PLXNB1: variants seen among roughly 807,000 people sequenced by gnomAD.
The protein encoded by PLXNB1 is plexin B1.
A neutral mutation model predicts 209.4 loss-of-function variants in PLXNB1; 106 were observed. The observed-to-expected ratio is 0.51, with a 90% CI of 0.43 to 0.59. The LOEUF (loss-of-function observed/expected upper bound fraction) is 0.59. Among genes scored for constraint, PLXNB1 ranks in the 20% least tolerant of loss-of-function variants. The probability of loss-of-function intolerance (pLI) is 0.00; values close to 1 mark genes in which losing one functional copy is unlikely to be tolerated. For missense variants in PLXNB1, 2,357 were observed against 2,853.2 expected (o/e 0.83, Z 3.96); for synonymous variants, 1,167 against 1,183.2 (o/e 0.99, Z 0.28).
chr3:48,413,937 G>A lies in PLXNB1; in HGVS notation c.4344C>T (p.His1448=). ...EPPVEQPLPR[H]HALREAPDSL... is the part of the protein sequence containing the mutation. ...AGTCAGGTGCCTCTCGGAGGGCATG[G>A]TGCCGTGGCAGGGGCTGCTCCACGG... Residue 1448 remains histidine, a synonymous_variant, in exon 22 of 38, where the codon CAC becomes CAT. Coordinates refer to ENST00000296440, the MANE Select transcript of PLXNB1 (RefSeq NM_001130082.3). The surrounding 1 kb of genome is among the most constrained non-coding windows in gnomAD (Gnocchi z 5.4). 1 of 1,612,930 alleles carries A rather than the reference G, an allele frequency of 6.2e-7. No individual in the cohort carries two copies. The highest frequency in any genetic ancestry group is 8.5e-7 in the Non-Finnish European group (1 of 1,179,526).
chr3:48,420,592 C>A, intron 10 of PLXNB1, 73 bp downstream of exon 10: 1 of 1,224,776 alleles, frequency 8.2e-7, no homozygotes, highest in South Asian at 1.2e-5. Flanking sequence ...AGACAGACCC[C>A]GGGCCATGAG....
At position 48,419,700 on chromosome 3, in the gene PLXNB1, G is replaced by C; in HGVS notation, c.2586C>G (p.Ala862=). The change falls in exon 11 of 38, where the codon GCC becomes GCG. Residue 862 remains alanine, a synonymous_variant. Transcript: ENST00000296440. This position sits in a 1 kb window ranked among gnomAD's most constrained non-coding sequence, Gnocchi z 5.7. The stretch of plus-strand genomic sequence containing the variant: ...CTGAGAGGAGGGTGGAAGTGGAGAA[G>C]GCGGGTGCGTCACCCCCCGTCCACT... ...ADEWTGGDAP[A]FSTSTLLSGD... is the part of the protein sequence containing the mutation. 6.2e-7 allele frequency: 1 copy of C among 1,612,436 alleles called. No homozygotes were observed. Among genetic ancestry groups the C allele is most frequent in the Admixed American group, 1.7e-5 (1 of 60,006 alleles).
rs930006685 is a variant in PLXNB1 at position 48,405,247 on chromosome 3, A to T, written c.6303+477T>A. 1.3e-5 allele frequency among the ~76,000 whole-genome samples: 2 copies of T among 152,202 alleles called. No homozygotes were observed. The highest frequency in any genetic ancestry group is 2.9e-5 in the Non-Finnish European group (2 of 68,034). ...TGGACTATTCCACCAGGCATCCAGC[A>T]GGTTGACTGGCAGGTGCTCAGCTCT... is the stretch of plus-strand genomic sequence containing the variant. On this transcript the variant is annotated intron_variant, in intron 37 of 37. Transcript: ENST00000296440. This position sits in a 1 kb window ranked among gnomAD's most constrained non-coding sequence, Gnocchi z 5.0.
chr3:48,410,483 C>T lies in PLXNB1; in HGVS notation c.5492G>A (p.Arg1831Lys), dbSNP rs1222728435. 6.2e-7 allele frequency: 1 copy of T among 1,614,024 alleles called. No individual in the cohort carries two copies. ...DVTSEVQGLW[R>K]RLNTLQHYKV... is the part of the protein sequence containing the mutation. ...GTAATGCTGCAGTGTGTTCAGGCGC[C>T]TCCACAGACCCTGGACCTCAGAAGT... is the stretch of plus-strand genomic sequence containing the variant. Residue 1831 changes from arginine (R) to lysine (K), a missense_variant, in exon 30 of 38, where the codon AGG (arginine) becomes AAG (lysine). Coordinates refer to ENST00000296440, the MANE Select transcript of PLXNB1 (RefSeq NM_001130082.3). The surrounding 1 kb of genome is among the most constrained non-coding windows in gnomAD (Gnocchi z 6.4).
rs771766219 is a variant in PLXNB1, at chr3:48,415,647, C to T, written c.3730G>A (p.Gly1244Arg). 1.3e-6 allele frequency: 2 copies of T among 1,577,706 alleles called. No homozygotes were observed. Among genetic ancestry groups the T allele is most frequent in the Non-Finnish European group, 1.7e-6 (2 of 1,161,364 alleles). ...GGGTCCAAGGTATACTTGAACTGTC[C>T]GCGTTGAAGCCTCCGCTCCGTGGCC... ...FGATERRLQR[G>R]QFKYTLDPNI... Residue 1244 changes from glycine to arginine, a missense_variant, in exon 19 of 38, where the codon GGA (glycine) becomes AGA (arginine). Gly to Arg is a moderately radical substitution (Grantham distance 125). Coordinates refer to ENST00000296440, the MANE Select transcript of PLXNB1 (RefSeq NM_001130082.3). This position sits in a 1 kb window ranked among gnomAD's most constrained non-coding sequence, Gnocchi z 5.0.
rs148808079 is a variant in PLXNB1, at chr3:48,418,326, G to A, written c.3087C>T (p.Cys1029=). ...GGGGCATGGCAGTTTGGCAGCGGCT[G>A]CAGTCTCCATGTCCCACGGAACAGT... is the stretch of plus-strand genomic sequence containing the variant. The part of the protein sequence containing the change: ...LYDCSVGHGD[C]SRCQTAMPQY... The change falls in exon 15 of 38, where the codon TGC becomes TGT. Residue 1029 remains cysteine, a synonymous_variant. Coordinates refer to ENST00000296440, the MANE Select transcript of PLXNB1 (RefSeq NM_001130082.3). The surrounding 1 kb of genome is among the most constrained non-coding windows in gnomAD (Gnocchi z 6.6). The A allele has an allele frequency of 6.7e-5, 108 of 1,613,574 alleles. No individual in the cohort carries two copies. The highest frequency in any genetic ancestry group is 7.1e-5 in the Non-Finnish European group (84 of 1,180,032).
At position 48,407,013 on chromosome 3, in the gene PLXNB1, G is replaced by A. The variant is rs761961777; in HGVS notation, c.6152+14C>T. The A allele has an allele frequency of 8.7e-6, 14 of 1,613,252 alleles. No individual in the cohort carries two copies. The highest frequency in any genetic ancestry group is 7.7e-5 in the South Asian group (7 of 91,066). ...ACACGCCCTCCAACCTCTACCCACC[G>A]TGCCCTCCAGTACCTTTCCACCATC... On this transcript the variant is annotated intron_variant, in intron 35 of 37. Coordinates refer to ENST00000296440, the MANE Select transcript of PLXNB1 (RefSeq NM_001130082.3).
rs754166689 is a variant in PLXNB1, at chr3:48,409,672, G to A, written c.5838C>T (p.Pro1946=). The A allele has an allele frequency of 3.1e-6, 5 of 1,613,850 alleles. No homozygotes were observed. The South Asian group carries it at 4.4e-5, about 14-fold the overall frequency. Residue 1946 remains proline (P), a synonymous_variant, in exon 33 of 38, where the codon CCC becomes CCT. Transcript: ENST00000296440. The surrounding 1 kb of genome is among the most constrained non-coding windows in gnomAD (Gnocchi z 5.8). ...AGAAGTACTTCACAGCGAGCGGCACGGGGCGGCTGGTGCTGAGAATCACCT... is the reference window on the plus strand; with the variant it reads ...AGAAGTACTTCACAGCGAGCGGCACAGGGCGGCTGGTGCTGAGAATCACCT... ...LFQVILSTSR[P]VPLAVKYFFD...
At chr3:48,420,507 T>A (rs1411879005) in intron 10 of PLXNB1, among the ~76,000 whole-genome samples, 158 bp downstream of exon 10, 3 of 152,142 alleles carry the variant, frequency 2.0e-5, no homozygotes, top group African/African-American at 7.2e-5. Flanking sequence ...ACAGGCGGGA[T>A]GTATCGGCGG....
At chr3:48,425,045 G>A (rs1362920791) in intron 2 of PLXNB1, among the ~76,000 whole-genome samples, 1 of 152,216 alleles carries the variant, frequency 6.6e-6, no homozygotes, top group Non-Finnish European at 1.5e-5. Flanking sequence ...AAGAAGGAAG[G>A]AGAGGGAGGT....
In PLXNB1 at chr3:48,409,644, C is replaced by T. The variant is rs769608602; in HGVS notation, c.5866G>A (p.Asp1956Asn). The change falls in exon 33 of 38, where the codon GAC (aspartate) becomes AAC (asparagine). Residue 1956 changes from aspartate to asparagine, a missense_variant. Around this residue, in one of 7 missense-constraint regions of PLXNB1, gnomAD observed 414 missense variants for 520.5 expected, o/e 0.80. Coordinates refer to ENST00000296440, the MANE Select transcript of PLXNB1 (RefSeq NM_001130082.3). The surrounding 1 kb of genome is among the most constrained non-coding windows in gnomAD (Gnocchi z 5.8). ...TGCTGGGCCTGCTCATCCAGCAGGT[C>T]AAAGAAGTACTTCACAGCGAGCGGC... is the stretch of plus-strand genomic sequence containing the variant. ...PVPLAVKYFF[D>N]LLDEQAQQHG... 1.2e-4 allele frequency: 200 copies of T among 1,613,956 alleles called. No homozygotes were observed. The South Asian group carries it at 1.6e-3, about 13-fold the overall frequency.
Position 48,416,442 on chromosome 3 carries a change from G to A in PLXNB1, c.3384C>T (p.Cys1128=), listed in dbSNP as rs1382432919. ...QEYEVSSSLV[C]ITGASGEEVA... ...CCTCCTCCCCACTGGCCCCGGTGAT[G>A]CACACGAGGCTGTAGGCACAGGGCA... Residue 1128 remains cysteine, a synonymous_variant, in exon 17 of 38, where the codon TGC becomes TGT. Coordinates refer to ENST00000296440, the MANE Select transcript of PLXNB1 (RefSeq NM_001130082.3). The surrounding 1 kb of genome is among the most constrained non-coding windows in gnomAD (Gnocchi z 4.1). 6.2e-7 allele frequency: 1 copy of A among 1,611,788 alleles called. No individual in the cohort carries two copies. The highest frequency in any genetic ancestry group is 8.5e-7 in the Non-Finnish European group (1 of 1,178,974).
rs748065602 is a variant in PLXNB1, at chr3:48,409,639, C to A, written c.5871G>T (p.Leu1957=). 2 of 1,614,024 alleles carry A rather than the reference C, an allele frequency of 1.2e-6. No homozygotes were observed. The highest frequency in any genetic ancestry group is 1.7e-6 in the Non-Finnish European group (2 of 1,180,008). ...VPLAVKYFFD[L]LDEQAQQHGI... is the part of the protein sequence containing the mutation. ...CATGCTGCTGGGCCTGCTCATCCAG[C>A]AGGTCAAAGAAGTACTTCACAGCGA... The change falls in exon 33 of 38, where the codon CTG becomes CTT. Residue 1957 remains leucine, a synonymous_variant. Transcript: ENST00000296440. The surrounding 1 kb of genome is among the most constrained non-coding windows in gnomAD (Gnocchi z 5.8).
At position 48,413,997 on chromosome 3, in the gene PLXNB1, C is replaced by G; in HGVS notation, c.4284G>C (p.Lys1428Asn). 1 of 1,613,906 alleles carries G rather than the reference C, an allele frequency of 6.2e-7. No homozygotes were observed. Among genetic ancestry groups the G allele is most frequent in the Non-Finnish European group, 8.5e-7 (1 of 1,180,004 alleles). The change falls in exon 22 of 38, where the codon AAG becomes AAC. Residue 1428 changes from lysine to asparagine, a missense_variant. Physicochemically the swap from Lys to Asn is moderately conservative, Grantham distance 94 (BLOSUM62 0). Transcript: ENST00000296440. This position sits in a 1 kb window ranked among gnomAD's most constrained non-coding sequence, Gnocchi z 5.4. ...AGTACAGGTGGTGCCGCGTCAGCGTCTTCACCACACAGGGGCCATCCCCTA... is the reference window on the plus strand; with the variant it reads ...AGTACAGGTGGTGCCGCGTCAGCGTGTTCACCACACAGGGGCCATCCCCTA... ...AMIGDGPCVV[K>N]TLTRHHLYCE...
In PLXNB1 at chr3:48,422,414, T is replaced by G; in HGVS notation, c.1336A>C (p.Ser446Arg). 1 of 1,602,958 alleles carries G rather than the reference T, an allele frequency of 6.2e-7. No homozygotes were observed. Among genetic ancestry groups the G allele is most frequent in the East Asian group, 2.2e-5 (1 of 44,618 alleles). Residue 446 changes from serine (S) to arginine (R), a missense_variant, in exon 5 of 38, where the codon AGC becomes CGC. Ser to Arg is a moderately radical substitution (Grantham distance 110, BLOSUM62 -1). This residue lies in a region of PLXNB1 where 404 missense variants were observed against 443.6 expected (regional missense o/e 0.91). Coordinates refer to ENST00000296440, the MANE Select transcript of PLXNB1 (RefSeq NM_001130082.3). ...GSDGHPYSTQSIQQGSAVSRD... is the reference protein window; with the variant it reads ...GSDGHPYSTQRIQQGSAVSRD... Reference sequence around the variant, plus strand: ...CTCACTGCAGACCCCTGCTGGATGCTCTGTGTGGAGTATGGGTGGCCATCG... The same window carrying G: ...CTCACTGCAGACCCCTGCTGGATGCGCTGTGTGGAGTATGGGTGGCCATCG...
At chr3:48,424,924 GCCATGCC>G (rs2038803039) in intron 2 of PLXNB1, among the ~76,000 whole-genome samples, 1 of 152,204 alleles carries the variant, frequency 6.6e-6, no homozygotes, top group Non-Finnish European at 1.5e-5. Flanking sequence ...GGGCTGAGAG[GCCATGCC>G]CAGGAAGCAG....
chr3:48,416,428 C>G lies in PLXNB1; in HGVS notation c.3398G>C (p.Ser1133Thr). 1 of 1,613,066 alleles carries G rather than the reference C, an allele frequency of 6.2e-7. No individual in the cohort carries two copies. Among genetic ancestry groups the G allele is most frequent in the Non-Finnish European group, 8.5e-7 (1 of 1,179,850 alleles). Reference sequence around the variant, plus strand: ...TGTGGCGCCGGCCACCTCCTCCCCACTGGCCCCGGTGATGCACACGAGGCT... The same window carrying G: ...TGTGGCGCCGGCCACCTCCTCCCCAGTGGCCCCGGTGATGCACACGAGGCT... ...SSSLVCITGA[S>T]GEEVAGATAV... The change falls in exon 17 of 38, where the codon AGT becomes ACT. Residue 1133 changes from serine (S) to threonine (T), a missense_variant. Physicochemically the swap from Ser to Thr is moderately conservative, Grantham distance 58. This residue lies in a region of PLXNB1 where 743 missense variants were observed against 896.2 expected (regional missense o/e 0.83). Transcript: ENST00000296440. This position sits in a 1 kb window ranked among gnomAD's most constrained non-coding sequence, Gnocchi z 4.1.
rs552651691 is a variant in PLXNB1, at chr3:48,405,497, G to A, written c.6303+227C>T. Among the ~76,000 whole-genome samples the A allele has an allele frequency of 2.6e-5, 4 of 152,324 alleles. No homozygotes were observed. Among genetic ancestry groups the A allele is most frequent in the Admixed American group, 1.3e-4 (2 of 15,308 alleles). On this transcript the variant is annotated intron_variant, in intron 37 of 37. Transcript: ENST00000296440. This position sits in a 1 kb window ranked among gnomAD's most constrained non-coding sequence, Gnocchi z 5.0. Reference sequence around the variant, plus strand: ...ACAACCACCAGCACTGTGCCTCGCCGTCCTGCTGGGGAGCTGGAATGGGGA... The same window carrying A: ...ACAACCACCAGCACTGTGCCTCGCCATCCTGCTGGGGAGCTGGAATGGGGA...
rs537832696 is a variant in PLXNB1 at position 48,411,094 on chromosome 3, C to T, written c.5248-58G>A. On this transcript the variant is annotated intron_variant, in intron 28 of 37. Transcript: ENST00000296440. This position sits in a 1 kb window ranked among gnomAD's most constrained non-coding sequence, Gnocchi z 4.0. ...ATGTGCACTCAGGATGACCAAGACA[C>T]AGGCCAAGGGCAGAGACAACTCATG... 2.5e-5 allele frequency: 38 copies of T among 1,497,422 alleles called. No homozygotes were observed. Among genetic ancestry groups the T allele is most frequent in the Non-Finnish European group, 3.4e-5 (37 of 1,095,420 alleles). The allele number at this position is 1,497,422 out of a possible 1,614,324, so 92.8% of individuals were successfully genotyped here.
Sources: gnomAD v4.1 joint callset for allele counts (sites outside exome capture counted in the v4.1 genomes callset) on GRCh38, gnomAD v4.1.1 for gene constraint, gnomAD v4.1.1 regional missense constraint, Gnocchi (gnomAD v3.1) non-coding constraint, MANE v1.5 for transcripts, NCBI Gene and HGNC (gene_info 2026-07-23, HGNC 2026-07-21) for gene names.